Variants in MALRD1 observed in about 807,000 individuals in gnomAD.
MALRD1 encodes MAM and LDL receptor class A domain containing 1, also known as MAM and LDL-receptor class A domain-containing protein 1.
A neutral mutation model predicts 242.1 loss-of-function variants in MALRD1; 247 were observed. The ratio of observed to expected loss-of-function variants is 1.02; its 90% CI spans 0.92 to 1.13. MALRD1 has a LOEUF of 1.13. MALRD1 is among the 50% of genes most tolerant of loss of function. MALRD1 has a pLI of 0.00. For missense variants in MALRD1, 2,989 were observed against 2,533.1 expected (o/e 1.18, Z -3.86); for synonymous variants, 995 against 866.6 (o/e 1.15, Z -2.60).
chr10:19,478,795 A>G (rs1371743333), intron 29 of MALRD1, among the ~76,000 whole-genome samples: 1 of 152,196 alleles, frequency 6.6e-6, no homozygotes, highest in Non-Finnish European at 1.5e-5. Flanking sequence ...TATCAAAGTC[A>G]CCAAACACAT....
intron 36 of MALRD1, among the ~76,000 whole-genome samples, chr10:19,679,792 G>C (rs1235522080): frequency 6.6e-6 from 1 of 152,048 alleles, no homozygotes; most frequent in Non-Finnish European, 1.5e-5. Context: ...GGGATTTAGT[G>C]CTACAAATTT....
intron 36 of MALRD1, among the ~76,000 whole-genome samples, chr10:19,625,188 T>C (rs908749859): frequency 2.0e-5 from 3 of 152,154 alleles, no homozygotes; most frequent in African/African-American, 7.2e-5. Flanking sequence ...TCAACCCTTG[T>C]GGATGTTGCC....
chr10:19,244,453 C>T (rs1838949585), intron 18 of MALRD1, among the ~76,000 whole-genome samples: 1 of 151,998 alleles, frequency 6.6e-6, no homozygotes, highest in South Asian at 2.1e-4. Flanking sequence ...TGCCTGTGGT[C>T]CCAGCTACTC....
intron 18 of MALRD1, among the ~76,000 whole-genome samples, chr10:19,247,914 A>C (rs1212945742): frequency 1.3e-5 from 2 of 152,074 alleles, no homozygotes; most frequent in Admixed American, 1.3e-4. Context: ...GAACCAGGAG[A>C]AGTTCAGAGA....
chr10:19,393,238 A>T (rs1170876746), intron 28 of MALRD1, among the ~76,000 whole-genome samples: 2 of 151,884 alleles, frequency 1.3e-5, no homozygotes, highest in Non-Finnish European at 2.9e-5. Flanking sequence ...CTCATTTTTC[A>T]TTTTTAACTG....
intron 5 of MALRD1, among the ~76,000 whole-genome samples, chr10:19,119,499 CAG>C (rs1177165735): frequency 6.6e-6 from 1 of 152,062 alleles, no homozygotes; most frequent in East Asian, 1.9e-4. Flanking sequence ...GCTGACTGGT[CAG>C]AGATGAAATC....
chr10:19,563,773 C>G (rs1319754632), intron 32 of MALRD1, among the ~76,000 whole-genome samples: 1 of 152,144 alleles, frequency 6.6e-6, no homozygotes, highest in Non-Finnish European at 1.5e-5. Context: ...AGTAGATGGT[C>G]TCTAATACAC....
At chr10:19,725,293 A>C (rs749406218) in intron 38 of MALRD1, among the ~76,000 whole-genome samples, 3 of 152,164 alleles carry the variant, frequency 2.0e-5, no homozygotes, top group Non-Finnish European at 4.4e-5. Context: ...TGCTATTCTC[A>C]GGATAGTGAG....
intron 38 of MALRD1, among the ~76,000 whole-genome samples, chr10:19,699,660 A>G (rs1350746248): frequency 6.6e-6 from 1 of 152,188 alleles, no homozygotes; most frequent in Non-Finnish European, 1.5e-5. Context: ...TATAGGAAGC[A>G]TAGCACCAGC....
intron 28 of MALRD1, among the ~76,000 whole-genome samples, chr10:19,433,899 C>T (rs1375853439): frequency 6.6e-6 from 1 of 151,988 alleles, no homozygotes; most frequent in African/African-American, 2.4e-5. Flanking sequence ...CGCGCACACA[C>T]ACACAGGGAT....
intron 13 of MALRD1, among the ~76,000 whole-genome samples, chr10:19,167,083 G>A (rs976754161): frequency 1.3e-5 from 2 of 152,206 alleles, no homozygotes; most frequent in African/African-American, 2.4e-5. Context: ...TAAAGGGTTG[G>A]GGGTGGTGGC....
At chr10:19,565,592 T>C (rs1412389906) in intron 32 of MALRD1, among the ~76,000 whole-genome samples, 1 of 152,196 alleles carries the variant, frequency 6.6e-6, no homozygotes, top group Non-Finnish European at 1.5e-5. Flanking sequence ...CACATCTTTT[T>C]ATTTTTAATT....
Position 19,734,328 on chromosome 10 carries a change from A to G in MALRD1, c.*91A>G, listed in dbSNP as rs2131951397. ...ATAGAAACTCATCTTCTACAATGGTAAAAAGAGAAAGGATTGTAAATGCCA... is the reference window on the plus strand; with the variant it reads ...ATAGAAACTCATCTTCTACAATGGTGAAAAGAGAAAGGATTGTAAATGCCA... On this transcript the variant is annotated 3_prime_UTR_variant, in exon 40 of 40. Coordinates refer to ENST00000454679, the MANE Select transcript of MALRD1 (RefSeq NM_001142308.3). 1 of 1,068,108 alleles carries G rather than the reference A, an allele frequency of 9.4e-7. No homozygotes were observed. Among genetic ancestry groups the G allele is most frequent in the Non-Finnish European group, 1.3e-6 (1 of 741,326 alleles). 66.2% of individuals were successfully genotyped at this position (1,068,108 alleles called of 1,614,324 possible). A position where few individuals can be genotyped will look rare whatever the true frequency, so the allele number is the denominator to read the frequency against.
chr10:19,651,914 G>A (rs1031867577), intron 36 of MALRD1, among the ~76,000 whole-genome samples: 3 of 152,182 alleles, frequency 2.0e-5, no homozygotes, highest in Admixed American at 6.5e-5. Flanking sequence ...ACACTTGGAG[G>A]TCTGGAGAAC....
chr10:19,560,865 G>A (rs955709093), intron 32 of MALRD1, among the ~76,000 whole-genome samples: 9 of 152,052 alleles, frequency 5.9e-5, no homozygotes, highest in South Asian at 2.1e-4. Flanking sequence ...TGTAGATAAC[G>A]GGTTGATGGG....
chr10:19,194,991 A>T (rs1165631963), intron 14 of MALRD1, among the ~76,000 whole-genome samples: 1 of 152,058 alleles, frequency 6.6e-6, no homozygotes, highest in African/African-American at 2.4e-5. Context: ...TTTAAATTGC[A>T]CTCCATTCTG....
chr10:19,418,468 A>G (rs199710770), intron 28 of MALRD1, among the ~76,000 whole-genome samples: 1 of 152,162 alleles, frequency 6.6e-6, no homozygotes, highest in Non-Finnish European at 1.5e-5. Context: ...ATGAACTCCA[A>G]CAGCCACTGC....
At chr10:19,150,370 G>A (rs906109158) in intron 11 of MALRD1, among the ~76,000 whole-genome samples, 5 of 151,978 alleles carry the variant, frequency 3.3e-5, no homozygotes, top group Admixed American at 1.3e-4. Flanking sequence ...CCATGCACAC[G>A]ATCGGTCCTT....
intron 14 of MALRD1, among the ~76,000 whole-genome samples, chr10:19,185,050 C>G (rs905986677): frequency 3.9e-5 from 6 of 152,180 alleles, no homozygotes; most frequent in Admixed American, 1.3e-4. Flanking sequence ...TTTGTTTCCT[C>G]AAGACTAAAA....
Sources: gnomAD v4.1 joint callset for allele counts (sites outside exome capture counted in the v4.1 genomes callset) on GRCh38, gnomAD v4.1.1 for gene constraint, MANE v1.5 for transcripts, NCBI Gene and HGNC (gene_info 2026-07-23, HGNC 2026-07-21) for gene names.